Variants in MARCHF1 observed in about 807,000 individuals in gnomAD.
MARCHF1 encodes E3 ubiquitin-protein ligase MARCHF1.
A neutral mutation model predicts 54.2 loss-of-function variants in MARCHF1; 40 were observed. That is an observed-to-expected ratio of 0.74 (90% CI 0.57 to 0.96). The LOEUF (loss-of-function observed/expected upper bound fraction) is 0.96, where lower values mean the gene tolerates loss of function less well. Ranked by LOEUF, MARCHF1 falls within the 40% of genes least tolerant of loss-of-function variation. MARCHF1 has a pLI of 0.00. For missense variants in MARCHF1, 586 were observed against 656.5 expected, an observed-to-expected ratio of 0.89 and a Z score of 1.17; for synonymous variants, 236 against 236.3, an observed-to-expected ratio of 1.00 and a Z score of 0.01.
chr4:164,077,815 T>G (rs1255834951), intron 2 of MARCHF1, among the ~76,000 whole-genome samples: 8 of 151,832 alleles, frequency 5.3e-5, no homozygotes, highest in African/African-American at 1.9e-4. Context: ...GAAATGCAAA[T>G]CAAAATCACA....
intron 9 of MARCHF1, among the ~76,000 whole-genome samples, chr4:163,540,387 TG>T (rs1227272896): frequency 6.6e-6 from 1 of 152,166 alleles, no homozygotes; most frequent in Non-Finnish European, 1.5e-5. Context: ...TGTGTGTGGG[TG>T]GCTATTGGGG....
At chr4:164,283,449 A>G (rs1161750730) in intron 1 of MARCHF1, among the ~76,000 whole-genome samples, 1 of 151,012 alleles carries the variant, frequency 6.6e-6, no homozygotes, top group Non-Finnish European at 1.5e-5. Flanking sequence ...CTGCCTCAAG[A>G]AAGATGCCTG....
At chr4:164,218,087 C>T (rs929690195) in intron 1 of MARCHF1, among the ~76,000 whole-genome samples, 12 of 151,476 alleles carry the variant, frequency 7.9e-5, no homozygotes, top group South Asian at 2.1e-4. Flanking sequence ...ATTTAGACAA[C>T]GTGCTAAATT....
intron 4 of MARCHF1, among the ~76,000 whole-genome samples, chr4:163,839,430 G>T (rs1749277221): frequency 6.6e-6 from 1 of 152,022 alleles, no homozygotes; most frequent in African/African-American, 2.4e-5. Flanking sequence ...ATCATAGCAG[G>T]ATTATTCAGA....
chr4:164,139,746 T>C (rs982257), intron 1 of MARCHF1, among the ~76,000 whole-genome samples: 99,238 of 152,048 alleles, frequency 0.65, 34,929 homozygotes, highest in Non-Finnish European at 0.82. Context: ...AAAACCAATG[T>C]TAAAGAACTA....
chr4:163,600,787 A>G (rs551937155), intron 7 of MARCHF1, among the ~76,000 whole-genome samples: 22 of 152,190 alleles, frequency 1.4e-4, no homozygotes, highest in Admixed American at 7.9e-4. Context: ...ATCAGGCAGA[A>G]CATGGAGAGG....
At chr4:163,730,809 C>T (rs866384926) in intron 4 of MARCHF1, among the ~76,000 whole-genome samples, 2 of 152,114 alleles carry the variant, frequency 1.3e-5, no homozygotes, top group Admixed American at 6.6e-5. Context: ...ATTTGTTCTA[C>T]TAATTGTGGT....
At chr4:163,930,593 T>C (rs1009249829) in intron 3 of MARCHF1, among the ~76,000 whole-genome samples, 1 of 151,632 alleles carries the variant, frequency 6.6e-6, no homozygotes, top group Non-Finnish European at 1.5e-5. Context: ...TGTTTGTCTA[T>C]CCAATGCCTG....
intron 4 of MARCHF1, among the ~76,000 whole-genome samples, chr4:163,831,810 T>C (rs936800835): frequency 1.3e-5 from 2 of 152,182 alleles, no homozygotes; most frequent in Admixed American, 1.3e-4. Flanking sequence ...ATTTTTGTAG[T>C]GTATGTGGTA....
chr4:163,576,822 GT>G lies in MARCHF1; in HGVS notation c.1191+8926del, dbSNP rs35903039. ...ATATCCTTCTTTGTCCATTTTTACT[GT>G]TTTTTTTTAACTATTGGTTTAAAGT... On this transcript the variant is annotated intron_variant, in intron 8 of 9. Coordinates refer to ENST00000514618, the MANE Select transcript of MARCHF1 (RefSeq NM_001394959.1). 5.3e-4 allele frequency among the ~76,000 whole-genome samples: 80 copies of G among 150,194 alleles called. No homozygotes were observed. The East Asian group carries it at 7.5e-3, about 14-fold the overall frequency.
At chr4:164,151,843 C>T (rs754586955) in intron 1 of MARCHF1, among the ~76,000 whole-genome samples, 2 of 152,104 alleles carry the variant, frequency 1.3e-5, no homozygotes, top group Non-Finnish European at 2.9e-5. Flanking sequence ...CCACCTTAAG[C>T]TTCTACTTCA....
At chr4:163,723,366 G>C (rs1745541724) in intron 4 of MARCHF1, among the ~76,000 whole-genome samples, 1 of 152,170 alleles carries the variant, frequency 6.6e-6, no homozygotes, top group East Asian at 1.9e-4. Context: ...CTCTCTTCTG[G>C]CTTGTAGAGT....
intron 1 of MARCHF1, among the ~76,000 whole-genome samples, chr4:164,351,119 G>C (rs944349591): frequency 1.3e-5 from 2 of 152,132 alleles, no homozygotes; most frequent in Non-Finnish European, 2.9e-5. Flanking sequence ...CCTACCCCAC[G>C]GAATCTCGCT....
intron 1 of MARCHF1, among the ~76,000 whole-genome samples, chr4:164,318,768 C>G (rs767584378): frequency 6.6e-6 from 1 of 152,038 alleles, no homozygotes; most frequent in South Asian, 2.1e-4. Context: ...GTTCATCAAC[C>G]CTGACCTGGA....
chr4:164,226,649 TTGTG>T (rs1440685249), intron 1 of MARCHF1, among the ~76,000 whole-genome samples: 1 of 151,892 alleles, frequency 6.6e-6, no homozygotes, highest in African/African-American at 2.4e-5. Flanking sequence ...GCATAAATAT[TTGTG>T]TGTATGTGTG....
chr4:164,048,949 A>G (rs910874819), intron 2 of MARCHF1, among the ~76,000 whole-genome samples: 1 of 152,192 alleles, frequency 6.6e-6, no homozygotes, highest in African/African-American at 2.4e-5. Context: ...AAACTTTCTA[A>G]GCTAGATAAT....
chr4:164,015,900 CAAAA>C (rs770216277), intron 2 of MARCHF1, among the ~76,000 whole-genome samples: 118 of 143,632 alleles, frequency 8.2e-4, no homozygotes, highest in African/African-American at 3.0e-3. Flanking sequence ...TAAGTTTCCC[CAAAA>C]AAAAAAAAAA....
rs114181237 is a variant in MARCHF1, at chr4:164,206,299, C to T, written c.-322-94637G>A. Among the ~76,000 whole-genome samples the T allele has an allele frequency of 8.7e-3, 1,325 of 151,954 alleles. 17 individuals are homozygous for T. Among genetic ancestry groups the T allele is most frequent in the African/African-American group, 0.018 (756 of 41,438 alleles). On this transcript the variant is annotated intron_variant, in intron 1 of 9. Coordinates refer to ENST00000514618, the MANE Select transcript of MARCHF1 (RefSeq NM_001394959.1). ...TAAAAATACAAAAATTAGCCGGGCACGATAGCAGTTGCCCGTAATCCCAGC... is the reference window on the plus strand; with the variant it reads ...TAAAAATACAAAAATTAGCCGGGCATGATAGCAGTTGCCCGTAATCCCAGC...
At chr4:164,253,719 T>C (rs569296344) in intron 1 of MARCHF1, among the ~76,000 whole-genome samples, 96 of 152,272 alleles carry the variant, frequency 6.3e-4, no homozygotes, top group African/African-American at 2.2e-3. Flanking sequence ...CATGAAAATA[T>C]ATACACAAAT....
Sources: gnomAD v4.1 joint callset for allele counts (sites outside exome capture counted in the v4.1 genomes callset) on GRCh38, gnomAD v4.1.1 for gene constraint, MANE v1.5 for transcripts, NCBI Gene and HGNC (gene_info 2026-07-23, HGNC 2026-07-21) for gene names.